TFDP2: variants seen among roughly 807,000 people sequenced by gnomAD.
The protein encoded by TFDP2 is transcription factor Dp-2 (E2F dimerization partner 2).
A neutral mutation model predicts 59.3 loss-of-function variants in TFDP2; 17 were observed. The observed-to-expected ratio is 0.29, with a 90% CI of 0.20 to 0.43. The LOEUF (loss-of-function observed/expected upper bound fraction) is 0.43, where lower values mean the gene tolerates loss of function less well. TFDP2 is among the 20% of genes least tolerant of loss of function. The probability of loss-of-function intolerance (pLI) is 1.00; values close to 1 mark genes in which losing one functional copy is unlikely to be tolerated. For synonymous variants in TFDP2, 180 were observed against 194.7 expected (o/e 0.92, Z 0.63); for missense variants, 391 against 528.8 (o/e 0.74, Z 2.56).
At chr3:142,042,945 T>C (rs1378053853) in intron 3 of TFDP2, among the ~76,000 whole-genome samples, 1 of 151,874 alleles carries the variant, frequency 6.6e-6, no homozygotes, top group Non-Finnish European at 1.5e-5. Flanking sequence ...TTTCTCCTTG[T>C]TGGTAAGTCT....
chr3:141,967,513 C>T (rs536069806), intron 9 of TFDP2, among the ~76,000 whole-genome samples: 42 of 152,080 alleles, frequency 2.8e-4, no homozygotes, highest in Non-Finnish European at 4.6e-4. Flanking sequence ...AGGCTGGTCT[C>T]GAACTCCTGA....
At chr3:141,961,435 G>A (rs779385468) in intron 10 of TFDP2, among the ~76,000 whole-genome samples, 5 of 151,680 alleles carry the variant, frequency 3.3e-5, no homozygotes, top group Non-Finnish European at 7.4e-5. Flanking sequence ...GTAGAAATGG[G>A]GGTTTTACCA....
At chr3:141,981,574 T>C (rs1270247499) in intron 6 of TFDP2, among the ~76,000 whole-genome samples, 1 of 152,236 alleles carries the variant, frequency 6.6e-6, no homozygotes, top group Admixed American at 6.5e-5. Flanking sequence ...CTTGTGATAG[T>C]ATAGGACAGC....
intron 2 of TFDP2, among the ~76,000 whole-genome samples, chr3:142,095,584 TACTTA>T (rs749305872): frequency 3.4e-4 from 52 of 152,382 alleles, no homozygotes; most frequent in Non-Finnish European, 5.7e-4. Flanking sequence ...ATAGTGCAGA[TACTTA>T]ACTTTGTCCA....
chr3:142,081,422 A>C (rs1490060753), intron 3 of TFDP2, among the ~76,000 whole-genome samples: 4 of 152,184 alleles, frequency 2.6e-5, no homozygotes, highest in Non-Finnish European at 5.9e-5. Flanking sequence ...ATGCATCTTA[A>C]AGAGCTAGAA....
chr3:142,049,207 T>C (rs1384257684), intron 3 of TFDP2, among the ~76,000 whole-genome samples: 2 of 152,118 alleles, frequency 1.3e-5, no homozygotes, highest in African/African-American at 4.8e-5. Context: ...TCATGAACAC[T>C]CACAAAAATT....
chr3:142,123,109 G>A (rs2062109041), intron 1 of TFDP2, among the ~76,000 whole-genome samples: 1 of 151,858 alleles, frequency 6.6e-6, no homozygotes, highest in Admixed American at 6.6e-5. Flanking sequence ...TTACAGGCGC[G>A]CACCACTACA....
chr3:142,035,401 A>G (rs1424842460), intron 3 of TFDP2, among the ~76,000 whole-genome samples: 1 of 152,202 alleles, frequency 6.6e-6, no homozygotes, highest in Non-Finnish European at 1.5e-5. Flanking sequence ...CTCAGAGTAC[A>G]CTGAGACAAT....
chr3:141,995,255 C>G, intron 4 of TFDP2, 114 bp from the exon 5 acceptor site: 1 of 755,904 alleles, frequency 1.3e-6, no homozygotes, highest in Non-Finnish European at 1.9e-6. Context: ...GCCTAAAAGG[C>G]ACTTAATGTC....
intron 4 of TFDP2, among the ~76,000 whole-genome samples, chr3:141,996,408 T>A (rs1437936617): frequency 2.0e-5 from 3 of 152,214 alleles, no homozygotes; most frequent in Non-Finnish European, 4.4e-5. Context: ...TTCATGATAG[T>A]AAGTTTTAAG....
intron 1 of TFDP2, among the ~76,000 whole-genome samples, chr3:142,108,453 G>A (rs1025797353): frequency 1.4e-4 from 21 of 151,892 alleles, no homozygotes; most frequent in Admixed American, 3.3e-4. Context: ...CAAGTGACCC[G>A]CCCACCTCGG....
At chr3:142,089,655 C>T (rs1706581996) in intron 3 of TFDP2, among the ~76,000 whole-genome samples, 1 of 151,822 alleles carries the variant, frequency 6.6e-6, no homozygotes, top group African/African-American at 2.4e-5. Flanking sequence ...ATATATGCAT[C>T]ATATATAACC....
chr3:142,124,201 T>A (rs2062152647), intron 1 of TFDP2, among the ~76,000 whole-genome samples: 1 of 152,228 alleles, frequency 6.6e-6, no homozygotes, highest in Non-Finnish European at 1.5e-5. Flanking sequence ...TGAATCACAA[T>A]AAAATTAACA....
At chr3:142,137,610 G>C (rs1390282133) in intron 1 of TFDP2, among the ~76,000 whole-genome samples, 1 of 152,142 alleles carries the variant, frequency 6.6e-6, no homozygotes, top group East Asian at 1.9e-4. Flanking sequence ...TTTTGTCAAA[G>C]GCCTTTTCTG....
At chr3:141,994,597 T>G (rs11569203) in intron 5 of TFDP2, 6,593 of 152,574 alleles carry the variant, frequency 0.043, 454 homozygotes, top group African/African-American at 0.15. Context: ...AATAAAAAAT[T>G]TATCTGGCCT....
chr3:141,957,983 C>T (rs575565567), intron 11 of TFDP2, among the ~76,000 whole-genome samples: 48 of 152,230 alleles, frequency 3.2e-4, no homozygotes, highest in Admixed American at 2.1e-3. Context: ...TGAATTCAAT[C>T]TCAATTTAGA....
At chr3:141,995,656 G>T (rs779618776) in intron 4 of TFDP2, among the ~76,000 whole-genome samples, 6 of 152,040 alleles carry the variant, frequency 3.9e-5, no homozygotes, top group Non-Finnish European at 5.9e-5. Flanking sequence ...GGCCGAGGTG[G>T]GAGGATCACC....
chr3:142,139,113 T>G (rs1321957730), intron 1 of TFDP2, among the ~76,000 whole-genome samples: 1 of 152,226 alleles, frequency 6.6e-6, no homozygotes, highest in Admixed American at 6.5e-5. Context: ...CCTGTACCAC[T>G]GCGTAATGGC....
At chr3:141,992,645 T>C (rs576170133) in intron 6 of TFDP2, among the ~76,000 whole-genome samples, 27 of 152,312 alleles carry the variant, frequency 1.8e-4, no homozygotes, top group Non-Finnish European at 3.5e-4. Flanking sequence ...TCAGAAGTGA[T>C]TGTATCTGTT....
Sources: gnomAD v4.1 joint callset for allele counts (sites outside exome capture counted in the v4.1 genomes callset) on GRCh38, gnomAD v4.1.1 for gene constraint, MANE v1.5 for transcripts, NCBI Gene and HGNC (gene_info 2026-07-23, HGNC 2026-07-21) for gene names.